EYS: variants seen among roughly 807,000 people sequenced by gnomAD.
EYS encodes protein eyes shut homolog.
In EYS, 250 loss-of-function variants were observed where a neutral mutation model predicts 282.1. The ratio of observed to expected loss-of-function variants is 0.89; its 90% CI spans 0.80 to 0.98. The LOEUF is 0.98. Ranked by LOEUF, EYS falls within the 50% of genes least tolerant of loss-of-function variation. The probability of loss-of-function intolerance (pLI) is 0.00; values close to 1 mark genes in which losing one functional copy is unlikely to be tolerated. For synonymous variants in EYS, 1,355 were observed against 1,282.9 expected, an observed-to-expected ratio of 1.06 and a Z score of -1.20; for missense variants, 4,016 against 3,709.0, an observed-to-expected ratio of 1.08 and a Z score of -2.15.
chr6:64,842,226 G>C (rs1413378013), intron 19 of EYS, among the ~76,000 whole-genome samples: 1 of 151,270 alleles, frequency 6.6e-6, no homozygotes, highest in African/African-American at 2.4e-5. Context: ...ACTTTTCCTG[G>C]TCTGGGCCAG....
chr6:65,494,094 G>A (rs1027742724), intron 4 of EYS, among the ~76,000 whole-genome samples: 5 of 152,068 alleles, frequency 3.3e-5, no homozygotes, highest in African/African-American at 9.7e-5. Context: ...TGGATGTTGG[G>A]AAAGATGTAA....
At chr6:65,031,482 TA>T (rs1248580696) in intron 13 of EYS, among the ~76,000 whole-genome samples, 1 of 151,982 alleles carries the variant, frequency 6.6e-6, no homozygotes, top group Non-Finnish European at 1.5e-5. Context: ...TGATAAGACA[TA>T]AAATAATTGT....
intron 30 of EYS, among the ~76,000 whole-genome samples, chr6:64,270,412 G>T (rs1767904686): frequency 6.6e-6 from 1 of 152,038 alleles, no homozygotes; most frequent in Admixed American, 6.6e-5. Flanking sequence ...TCCTTCTGCA[G>T]ACCTAGCAGT....
chr6:65,490,339 G>A, intron 5 of EYS: 1 of 300,184 alleles, frequency 3.3e-6, no homozygotes, highest in Non-Finnish European at 6.2e-6. Context: ...GAAGAAAGAT[G>A]TAAGTAATTT....
chr6:64,130,723 C>T (rs2150281368), intron 31 of EYS, among the ~76,000 whole-genome samples: 1 of 152,104 alleles, frequency 6.6e-6, no homozygotes, highest in East Asian at 1.9e-4. Flanking sequence ...AGGAGCAATG[C>T]CACTTAGAGC....
chr6:63,831,771 C>A (rs1771645653), intron 36 of EYS, among the ~76,000 whole-genome samples: 1 of 152,192 alleles, frequency 6.6e-6, no homozygotes, highest in Non-Finnish European at 1.5e-5. Flanking sequence ...ACATTCTTCT[C>A]AGCACCACAT....
chr6:65,575,170 A>T (rs546177478), intron 2 of EYS, among the ~76,000 whole-genome samples: 5 of 151,666 alleles, frequency 3.3e-5, no homozygotes, highest in Admixed American at 6.6e-5. Flanking sequence ...AAAATACAAA[A>T]TTTTTTTGTA....
At chr6:65,181,373 C>A (rs1029013799) in intron 12 of EYS, among the ~76,000 whole-genome samples, 3 of 152,032 alleles carry the variant, frequency 2.0e-5, no homozygotes, top group Admixed American at 6.6e-5. Flanking sequence ...AAAAAACAAA[C>A]AACCCTATCA....
intron 30 of EYS, among the ~76,000 whole-genome samples, chr6:64,266,732 C>T (rs539436348): frequency 1.1e-4 from 17 of 152,228 alleles, no homozygotes; most frequent in Admixed American, 3.9e-4. Context: ...TGTATGGCCA[C>T]GTGTCTCTGA....
At chr6:64,890,348 C>T (rs1001451342) in intron 18 of EYS, among the ~76,000 whole-genome samples, 9 of 152,106 alleles carry the variant, frequency 5.9e-5, no homozygotes, top group African/African-American at 1.2e-4. Flanking sequence ...CACACCTATT[C>T]GCACACTTCC....
chr6:65,288,377 A>C (rs1047965239), intron 12 of EYS, among the ~76,000 whole-genome samples: 1 of 150,668 alleles, frequency 6.6e-6, no homozygotes, highest in African/African-American at 2.4e-5. Flanking sequence ...GTGCTTTAAA[A>C]AAATATAGGA....
intron 2 of EYS, among the ~76,000 whole-genome samples, chr6:65,623,267 G>C (rs1427740567): frequency 6.6e-6 from 1 of 152,002 alleles, no homozygotes; most frequent in Non-Finnish European, 1.5e-5. Flanking sequence ...AGAAAGCAGG[G>C]GACAGCGAAG....
Position 64,475,481 on chromosome 6 carries a change from G to A in EYS, c.5645-36129C>T, listed in dbSNP as rs1430720153. On this transcript the variant is annotated intron_variant, in intron 26 of 42. Coordinates refer to ENST00000503581, the MANE Select transcript of EYS (RefSeq NM_001142800.2). ...CAGGAGAATGGCGTGAACCCGGGAGGCGGAGCTTGCAGTGAGCCGAGATCC... is the reference window on the plus strand; with the variant it reads ...CAGGAGAATGGCGTGAACCCGGGAGACGGAGCTTGCAGTGAGCCGAGATCC... Among the ~76,000 whole-genome samples the A allele has an allele frequency of 7.0e-4, 51 of 72,616 alleles. 8 individuals are homozygous for A. Among genetic ancestry groups the A allele is most frequent in the Admixed American group, 4.1e-3 (30 of 7,388 alleles). The allele number at this position is 72,616 out of a possible 152,430, so 47.6% of individuals were successfully genotyped here.
At chr6:64,412,496 A>C (rs1310463917) in intron 28 of EYS, 1 of 152,154 alleles carries the variant, frequency 6.6e-6, no homozygotes, top group Non-Finnish European at 1.5e-5. Flanking sequence ...ATATAGGAGG[A>C]TGCATAAGTA....
At chr6:64,899,763 T>C (rs758005285) in intron 18 of EYS, among the ~76,000 whole-genome samples, 5 of 152,096 alleles carry the variant, frequency 3.3e-5, no homozygotes, top group Non-Finnish European at 5.9e-5. Context: ...TCCACGCTCA[T>C]GGATAGGAAG....
intron 12 of EYS, among the ~76,000 whole-genome samples, chr6:65,153,569 G>A (rs377418016): frequency 6.6e-6 from 1 of 151,610 alleles, no homozygotes; most frequent in Non-Finnish European, 1.5e-5. Context: ...CTATTCTAGA[G>A]AAAATTTTCT....
intron 26 of EYS, among the ~76,000 whole-genome samples, chr6:64,445,326 T>G (rs13217268): frequency 1.3e-5 from 2 of 151,956 alleles, no homozygotes; most frequent in Non-Finnish European, 2.9e-5. Context: ...TTTTCAGTAA[T>G]AATGGGCTAA....
intron 2 of EYS, among the ~76,000 whole-genome samples, chr6:65,506,315 A>G: frequency 6.6e-6 from 1 of 151,616 alleles, no homozygotes; most frequent in East Asian, 1.9e-4. Flanking sequence ...TATTTCACTG[A>G]TTTCCATATT....
chr6:64,181,705 G>GT (rs935470343), intron 31 of EYS, among the ~76,000 whole-genome samples: 68 of 152,050 alleles, frequency 4.5e-4, no homozygotes, highest in African/African-American at 3.6e-4. Flanking sequence ...TAAAAAACGT[G>GT]TTTTTTATCT....
Sources: allele counts gnomAD v4.1 joint callset (sites outside exome capture counted in the v4.1 genomes callset), GRCh38; gene constraint gnomAD v4.1.1; transcripts MANE v1.5; gene names NCBI Gene and HGNC (gene_info 2026-07-23, HGNC 2026-07-21).